Variants in TMEM62 observed in about 807,000 individuals in gnomAD.
TMEM62 encodes transmembrane protein 62.
A neutral mutation model predicts 70.4 loss-of-function variants in TMEM62; 41 were observed. The ratio of observed to expected loss-of-function variants is 0.58; its 90% CI spans 0.45 to 0.76. The LOEUF (loss-of-function observed/expected upper bound fraction) is 0.76, where lower values mean the gene tolerates loss of function less well. TMEM62 is among the 30% of genes least tolerant of loss of function. TMEM62 has a pLI of 0.00. For synonymous variants in TMEM62, 268 were observed against 291.0 expected, an observed-to-expected ratio of 0.92 and a Z score of 0.80; for missense variants, 688 against 788.5, an observed-to-expected ratio of 0.87 and a Z score of 1.53.
chr15:43,184,377 G>A lies in TMEM62; in HGVS notation c.1723G>A (p.Val575Ile), dbSNP rs144684116. Residue 575 changes from valine (V) to isoleucine (I), a missense_variant, in exon 14 of 14, where the codon GTT (valine) becomes ATT (isoleucine). By Grantham distance (29) the Val-to-Ile change is conservative. Transcript: ENST00000260403. The stretch of plus-strand genomic sequence containing the variant: ...AAGAAAATACTTGAAAATTATGCCT[G>A]TTCACCTACTTATGCTACTGCTGTA... ...HQRKYLKIMP[V>I]HLLMLLLYIW... 1.3e-4 allele frequency: 214 copies of A among 1,614,060 alleles called. No homozygotes were observed. Among genetic ancestry groups the A allele is most frequent in the Non-Finnish European group, 1.8e-4 (208 of 1,180,040 alleles).
At chr15:43,172,744 C>G (rs1028213584) in intron 11 of TMEM62, among the ~76,000 whole-genome samples, 3 of 152,020 alleles carry the variant, frequency 2.0e-5, no homozygotes, top group African/African-American at 7.2e-5. Flanking sequence ...GTCACATGAA[C>G]TTTCAGGCAT....
At chr15:43,157,289 T>C (rs2141783877) in intron 9 of TMEM62, among the ~76,000 whole-genome samples, 1 of 152,238 alleles carries the variant, frequency 6.6e-6, no homozygotes, top group African/African-American at 2.4e-5. Flanking sequence ...ACTTTGGAGA[T>C]AGGACCTAGC....
intron 10 of TMEM62, among the ~76,000 whole-genome samples, chr15:43,165,681 C>G (rs898637251): frequency 6.6e-6 from 1 of 150,852 alleles, no homozygotes; most frequent in South Asian, 2.1e-4. Flanking sequence ...TGTAGTGAGC[C>G]AAGATTGCGC....
intron 11 of TMEM62, 52 bp from the exon 12 acceptor site, chr15:43,178,551 TAAAG>T (rs2041014303): frequency 8.9e-7 from 1 of 1,127,764 alleles, no homozygotes; most frequent in South Asian, 1.3e-5. Context: ...GAAAATGTCA[TAAAG>T]AAACTGAACT....
At chr15:43,173,795 T>A (rs185987590) in intron 11 of TMEM62, among the ~76,000 whole-genome samples, 47 of 151,576 alleles carry the variant, frequency 3.1e-4, no homozygotes, top group African/African-American at 8.2e-4. Context: ...TTGCTTTATA[T>A]AACCACTTCG....
intron 4 of TMEM62, among the ~76,000 whole-genome samples, chr15:43,142,331 A>G (rs2036142204): frequency 6.6e-6 from 1 of 151,818 alleles, no homozygotes; most frequent in African/African-American, 2.4e-5. Flanking sequence ...ATGACCCGCT[A>G]ATTTTTATAT....
chr15:43,135,801 T>C, intron 3 of TMEM62, 152 bp downstream of exon 3: 1 of 868,650 alleles, frequency 1.2e-6, no homozygotes, highest in Non-Finnish European at 1.6e-6. Flanking sequence ...AATGTGGTTT[T>C]AAAACTTCAA....
At position 43,161,567 on chromosome 15, in the gene TMEM62, T is replaced by C. The variant is rs560109053; in HGVS notation, c.1296+773T>C. Among the ~76,000 whole-genome samples, 5 of 152,356 alleles carry C rather than the reference T, an allele frequency of 3.3e-5. No individual in the cohort carries two copies. In the East Asian group the frequency reaches 9.6e-4, roughly 29 times the overall value. On this transcript the variant is annotated intron_variant, in intron 10 of 13. Transcript: ENST00000260403. ...CACTATCCATTATAACCATTGTATT[T>C]GTCATTATGATACTCTAATTTTTCT...
At chr15:43,138,733 C>A in intron 4 of TMEM62, 114 bp downstream of exon 4, 1 of 901,108 alleles carries the variant, frequency 1.1e-6, no homozygotes, top group Non-Finnish European at 1.7e-6. Flanking sequence ...AGGCAGGGGT[C>A]TCGCTATTTT....
intron 10 of TMEM62, among the ~76,000 whole-genome samples, chr15:43,162,429 G>C (rs2038841212): frequency 7.4e-6 from 1 of 135,360 alleles, no homozygotes; most frequent in East Asian, 2.1e-4. Flanking sequence ...CACTGCCCCT[G>C]GCCCTTTTTT....
Position 43,133,757 on chromosome 15 carries a change from G to C in TMEM62, c.-46G>C, listed in dbSNP as rs2141411597. The C allele has an allele frequency of 7.7e-7, 1 of 1,304,510 alleles. No individual in the cohort carries two copies. Among genetic ancestry groups the C allele is most frequent in the South Asian group, 2.1e-5 (1 of 47,756 alleles). The allele number at this position is 1,304,510 out of a possible 1,614,324, so 80.8% of individuals were successfully genotyped here. ...AAGCGGCTCCCGGGAGCGCCGCGCG[G>C]TCCTGCGCGGGATCAGCGAGGGCCG... On this transcript the variant is annotated 5_prime_UTR_variant, in exon 1 of 14. Coordinates refer to ENST00000260403, the MANE Select transcript of TMEM62 (RefSeq NM_024956.4).
chr15:43,163,179 T>C (rs2038965558), intron 10 of TMEM62, among the ~76,000 whole-genome samples: 1 of 139,376 alleles, frequency 7.2e-6, no homozygotes, highest in African/African-American at 2.9e-5. Context: ...GGTGTTAGCA[T>C]AAAATAAAAA....
chr15:43,160,567 C>T, intron 9 of TMEM62, 114 bp from the exon 10 acceptor site: 2 of 612,882 alleles, frequency 3.3e-6, no homozygotes. Flanking sequence ...ACAACAACAA[C>T]AATAACAACA....
rs1481803538 is a variant in TMEM62 at position 43,184,371 on chromosome 15, A to G, written c.1717A>G (p.Met573Val). 3 of 1,614,072 alleles carry G rather than the reference A, an allele frequency of 1.9e-6. No homozygotes were observed. Among genetic ancestry groups the G allele is most frequent in the Admixed American group, 1.7e-5 (1 of 60,014 alleles). Residue 573 changes from methionine (M) to valine (V), a missense_variant, in exon 14 of 14, where the codon ATG becomes GTG. By Grantham distance (21) the Met-to-Val change is conservative (BLOSUM62 1). Coordinates refer to ENST00000260403, the MANE Select transcript of TMEM62 (RefSeq NM_024956.4). Reference protein sequence around the residue: ...HLHQRKYLKIMPVHLLMLLLY... With the variant: ...HLHQRKYLKIVPVHLLMLLLY... ...CCATCAAAGAAAATACTTGAAAATT[A>G]TGCCTGTTCACCTACTTATGCTACT...
chr15:43,167,438 C>T (rs1238758001), intron 10 of TMEM62, among the ~76,000 whole-genome samples: 1 of 151,884 alleles, frequency 6.6e-6, no homozygotes, highest in Admixed American at 6.5e-5. Context: ...GGTCTCCTCA[C>T]TTCTCAGACG....
chr15:43,154,524 C>T, intron 8 of TMEM62, 148 bp from the exon 9 acceptor site: 1 of 562,698 alleles, frequency 1.8e-6, no homozygotes, highest in South Asian at 6.0e-5. Flanking sequence ...GGAAAGAAAC[C>T]AGATCATATC....
Position 43,151,784 on chromosome 15 carries a change from C to G in TMEM62, c.867-6C>G. ...CTAAATTACCTTATCATTATCTGGTCTTTAGGTACCGGATTTTTGCTTTTG... is the reference window on the plus strand; with the variant it reads ...CTAAATTACCTTATCATTATCTGGTGTTTAGGTACCGGATTTTTGCTTTTG... On this transcript the variant is annotated splice_region_variant and splice_polypyrimidine_tract_variant and intron_variant, in intron 7 of 13. Transcript: ENST00000260403. 1 of 1,612,464 alleles carries G rather than the reference C, an allele frequency of 6.2e-7. No homozygotes were observed. The highest frequency in any genetic ancestry group is 8.5e-7 in the Non-Finnish European group (1 of 1,179,256).
At chr15:43,138,349 G>A (rs76959858) in intron 3 of TMEM62, among the ~76,000 whole-genome samples, 2,088 of 152,228 alleles carry the variant, frequency 0.014, 39 homozygotes, top group African/African-American at 0.048. Flanking sequence ...TCTAGGTGGG[G>A]GAAGCAAACT....
rs150283723 is a variant in TMEM62 at position 43,139,083 on chromosome 15, C to A, written c.476+464C>A. On this transcript the variant is annotated intron_variant, in intron 4 of 13. Coordinates refer to ENST00000260403, the MANE Select transcript of TMEM62 (RefSeq NM_024956.4). ...CCTGCCTTGAGCAAGTCTATGGGAG[C>A]CATTTTTCCAACAGCATGTGCTCAC... 5.1e-3 allele frequency among the ~76,000 whole-genome samples: 778 copies of A among 152,200 alleles called. 3 individuals are homozygous for A. The highest frequency in any genetic ancestry group is 8.0e-3 in the Non-Finnish European group (541 of 68,016).
Sources: allele counts gnomAD v4.1 joint callset (sites outside exome capture counted in the v4.1 genomes callset), GRCh38; gene constraint gnomAD v4.1.1; transcripts MANE v1.5; gene names NCBI Gene and HGNC (gene_info 2026-07-23, HGNC 2026-07-21).